GUCY1A2: variants seen among roughly 807,000 people sequenced by gnomAD.
GUCY1A2 encodes the protein guanylate cyclase soluble subunit alpha-2.
In GUCY1A2, 27 loss-of-function variants were observed where a neutral mutation model predicts 63.5. That is an observed-to-expected ratio of 0.43 (90% CI 0.31 to 0.59). The LOEUF (loss-of-function observed/expected upper bound fraction) is 0.59. Ranked by LOEUF, GUCY1A2 falls within the 20% of genes least tolerant of loss-of-function variation. The probability of loss-of-function intolerance (pLI) is 0.11; values close to 1 mark genes in which losing one functional copy is unlikely to be tolerated. For missense variants in GUCY1A2, 768 were observed against 913.3 expected (o/e 0.84, Z 2.05); for synonymous variants, 364 against 343.5 (o/e 1.06, Z -0.66).
intron 6 of GUCY1A2, among the ~76,000 whole-genome samples, chr11:106,721,685 T>G (rs1291925013): frequency 6.6e-6 from 1 of 152,208 alleles, no homozygotes; most frequent in Non-Finnish European, 1.5e-5. Flanking sequence ...GACCCAATAT[T>G]ACTTTTAGGG....
rs954809028 is a variant in GUCY1A2, at chr11:106,814,095, A to G, written c.1207-3617T>C. 2.6e-5 allele frequency among the ~76,000 whole-genome samples: 4 copies of G among 152,102 alleles called. No homozygotes were observed. The East Asian group carries it at 5.8e-4, about 22-fold the overall frequency. ...AAGCGAAGCAATTACAATTTTAAAT[A>G]TAAATCAATGTGATGGCAAAACAAC... On this transcript the variant is annotated intron_variant, in intron 4 of 7. Transcript: ENST00000526355.
intron 3 of GUCY1A2, among the ~76,000 whole-genome samples, chr11:106,952,289 T>C (rs979708032): frequency 6.6e-6 from 1 of 152,216 alleles, no homozygotes; most frequent in Non-Finnish European, 1.5e-5. Context: ...TCAATGGTAG[T>C]TTGATGTGAA....
At chr11:106,760,124 C>G (rs1426875021) in intron 6 of GUCY1A2, among the ~76,000 whole-genome samples, 1 of 152,158 alleles carries the variant, frequency 6.6e-6, no homozygotes. Context: ...ACACGTTGAT[C>G]TCGGGATTCT....
chr11:106,867,773 A>G (rs529308058), intron 4 of GUCY1A2, among the ~76,000 whole-genome samples: 435 of 152,172 alleles, frequency 2.9e-3, no homozygotes, highest in Middle Eastern at 6.8e-3. Flanking sequence ...ATTTTATATC[A>G]AAGACTAGAA....
chr11:106,690,944 G>C (rs531723652), intron 7 of GUCY1A2, among the ~76,000 whole-genome samples: 1 of 152,262 alleles, frequency 6.6e-6, no homozygotes, highest in Non-Finnish European at 1.5e-5. Context: ...GAAGTCATCA[G>C]TACTTTTTAC....
intron 1 of GUCY1A2, among the ~76,000 whole-genome samples, chr11:106,990,608 C>T (rs991961691): frequency 6.6e-6 from 1 of 152,210 alleles, no homozygotes; most frequent in African/African-American, 2.4e-5. Flanking sequence ...TGTGCGCGCA[C>T]GCGCAGCGTG....
At chr11:106,904,442 T>G (rs370814472) in intron 4 of GUCY1A2, among the ~76,000 whole-genome samples, 1 of 152,180 alleles carries the variant, frequency 6.6e-6, no homozygotes, top group Admixed American at 6.6e-5. Context: ...TAAACATCTA[T>G]GTCTCAGTAA....
At chr11:106,938,957 C>T (rs181580057) in intron 4 of GUCY1A2, among the ~76,000 whole-genome samples, 201 of 152,222 alleles carry the variant, frequency 1.3e-3, no homozygotes, top group Non-Finnish European at 2.4e-3. Flanking sequence ...ATAGTCAATT[C>T]TCAGCTTTTG....
chr11:106,724,672 A>G (rs1393868213), intron 6 of GUCY1A2, among the ~76,000 whole-genome samples: 1 of 152,132 alleles, frequency 6.6e-6, no homozygotes, highest in African/African-American at 2.4e-5. Flanking sequence ...GTTATGCAAT[A>G]TATTATCTGC....
At chr11:106,999,446 T>A (rs1861584866) in intron 1 of GUCY1A2, among the ~76,000 whole-genome samples, 1 of 152,164 alleles carries the variant, frequency 6.6e-6, no homozygotes, top group South Asian at 2.1e-4. Flanking sequence ...TAATAAACTT[T>A]GTTATTTTAG....
intron 6 of GUCY1A2, among the ~76,000 whole-genome samples, chr11:106,733,914 G>A (rs1167209047): frequency 1.3e-5 from 2 of 151,976 alleles, no homozygotes; most frequent in Admixed American, 1.3e-4. Context: ...TCCTCCTAGG[G>A]GAGCATTCCT....
intron 1 of GUCY1A2, among the ~76,000 whole-genome samples, chr11:107,009,238 T>G (rs1182310934): frequency 6.6e-6 from 1 of 152,194 alleles, no homozygotes; most frequent in Admixed American, 6.5e-5. Context: ...CCTATATATC[T>G]GATATCTGAA....
chr11:106,724,012 C>T lies in GUCY1A2; in HGVS notation c.1837-15346G>A, dbSNP rs1389658480. On this transcript the variant is annotated intron_variant, in intron 6 of 7. Transcript: ENST00000526355. ...TTGACAGAAACTTGCTTAAGGTATTCCTCCATTCCCGTTCAGTTTACTTTT... is the reference window on the plus strand; with the variant it reads ...TTGACAGAAACTTGCTTAAGGTATTTCTCCATTCCCGTTCAGTTTACTTTT... Among the ~76,000 whole-genome samples, 4 of 152,266 alleles carry T rather than the reference C, an allele frequency of 2.6e-5. No individual in the cohort carries two copies. The East Asian group carries it at 7.7e-4, about 29-fold the overall frequency.
In GUCY1A2 at chr11:106,755,099, T is replaced by G. The variant is rs559248890; in HGVS notation, c.1836+21340A>C. 1.1e-4 allele frequency among the ~76,000 whole-genome samples: 16 copies of G among 152,318 alleles called. No homozygotes were observed. The South Asian group carries it at 3.3e-3, about 32-fold the overall frequency. On this transcript the variant is annotated intron_variant, in intron 6 of 7. Transcript: ENST00000526355. ...TTGGGAGAGTGTATGTGTCCAGGAA[T>G]TTATCAGTTTCTTCCTGATTTTCTA...
At chr11:107,017,708 C>A in intron 1 of GUCY1A2, 45 bp downstream of exon 1, 1 of 1,181,650 alleles carries the variant, frequency 8.5e-7, no homozygotes, top group South Asian at 1.9e-5. Flanking sequence ...TACAGATCCG[C>A]GTTCTCTCCC....
At chr11:106,758,965 C>A (rs967806809) in intron 6 of GUCY1A2, among the ~76,000 whole-genome samples, 1 of 151,962 alleles carries the variant, frequency 6.6e-6, no homozygotes, top group African/African-American at 2.4e-5. Flanking sequence ...ATATTGATGT[C>A]TTCTAGCATT....
intron 4 of GUCY1A2, among the ~76,000 whole-genome samples, chr11:106,885,111 A>C (rs189600240): frequency 7.2e-5 from 11 of 152,318 alleles, no homozygotes. Flanking sequence ...TCACCAGCTC[A>C]AAACACCATG....
intron 5 of GUCY1A2, among the ~76,000 whole-genome samples, chr11:106,795,607 T>C (rs1386748): frequency 0.5 from 75,196 of 151,036 alleles, 18,872 homozygotes; most frequent in East Asian, 0.6. Flanking sequence ...AGCGATTTTG[T>C]TTCAACTGAT....
intron 6 of GUCY1A2, among the ~76,000 whole-genome samples, chr11:106,710,501 GT>G (rs1863098225): frequency 6.7e-6 from 1 of 148,930 alleles, no homozygotes; most frequent in African/African-American, 2.5e-5. Context: ...AGTGATAAAT[GT>G]TGAATAAATT....
Sources: allele counts gnomAD v4.1 joint callset (sites outside exome capture counted in the v4.1 genomes callset), GRCh38; gene constraint gnomAD v4.1.1; transcripts MANE v1.5; gene names NCBI Gene and HGNC (gene_info 2026-07-23, HGNC 2026-07-21).